Variants in CFAP46 observed in about 807,000 individuals in gnomAD.
The protein encoded by CFAP46 is cilia and flagella associated protein 46, also known as cilia- and flagella-associated protein 46.
Under a neutral mutation model 325.7 loss-of-function variants are expected in CFAP46, and 245 were observed. The ratio of observed to expected loss-of-function variants is 0.75; its 90% CI spans 0.68 to 0.84. CFAP46 has a LOEUF of 0.84. Among genes scored for constraint, CFAP46 ranks in the 40% least tolerant of loss-of-function variants. The pLI, the probability that CFAP46 is intolerant of heterozygous loss-of-function variation, is 0.00. For missense variants in CFAP46, 3,346 were observed against 3,543.0 expected (o/e 0.94, Z 1.41); for synonymous variants, 1,523 against 1,495.9 (o/e 1.02, Z -0.42).
At chr10:132,893,670 C>A (rs572666253) in intron 24 of CFAP46, among the ~76,000 whole-genome samples, 2 of 152,336 alleles carry the variant, frequency 1.3e-5, no homozygotes, top group African/African-American at 4.8e-5. Flanking sequence ...CAGTGTGAGA[C>A]CCCCAAGTCA....
intron 24 of CFAP46, among the ~76,000 whole-genome samples, chr10:132,896,099 CCA>C (rs58264596): frequency 0.015 from 1,973 of 133,738 alleles, 11 homozygotes; most frequent in Non-Finnish European, 0.02. Context: ...GCTCTGTGTG[CCA>C]CATGAAGACA....
rs1848808812 is a variant in CFAP46, at chr10:132,866,066, G to C, written c.4849C>G (p.Pro1617Ala). ...GCCTCCGACAGGAGCAGCCGTGCAGGCTGGTACAGGTTCATCTCCAGCAGA... is the reference window on the plus strand; with the variant it reads ...GCCTCCGACAGGAGCAGCCGTGCAGCCTGGTACAGGTTCATCTCCAGCAGA... Reference protein sequence around the residue: ...EVLLEMNLYQPARLLLSEAYL... With the variant: ...EVLLEMNLYQAARLLLSEAYL... The change falls in exon 35 of 58, where the codon CCT becomes GCT. Residue 1617 changes from proline to alanine, a missense_variant. Physicochemically the swap from Pro to Ala is conservative, Grantham distance 27 (BLOSUM62 -1). Transcript: ENST00000368586. 6.5e-7 allele frequency: 1 copy of C among 1,545,172 alleles called. No individual in the cohort carries two copies. Among genetic ancestry groups the C allele is most frequent in the South Asian group, 1.2e-5 (1 of 83,052 alleles).
At chr10:132,820,795 C>T (rs1292256518) in intron 50 of CFAP46, among the ~76,000 whole-genome samples, 1 of 119,310 alleles carries the variant, frequency 8.4e-6, no homozygotes, top group Admixed American at 8.7e-5. Context: ...GCTGTGTGAG[C>T]ACTGATGTGT....
intron 8 of CFAP46, among the ~76,000 whole-genome samples, chr10:132,931,449 CT>C (rs1188248616): frequency 3.5e-5 from 5 of 144,184 alleles, no homozygotes; most frequent in Admixed American, 1.4e-4. Flanking sequence ...GAGACTGGGC[CT>C]TCCCCACATT....
At chr10:132,812,537 AG>A (rs1429007711) in intron 55 of CFAP46, among the ~76,000 whole-genome samples, 1 of 151,740 alleles carries the variant, frequency 6.6e-6, no homozygotes, top group Non-Finnish European at 1.5e-5. Context: ...TCGGAAATGA[AG>A]GGCGGGAGGG....
At chr10:132,916,505 C>G (rs1244520916) in intron 17 of CFAP46, 44 bp downstream of exon 17, 6 of 1,526,628 alleles carry the variant, frequency 3.9e-6, no homozygotes, top group Middle Eastern at 3.5e-4. Flanking sequence ...CACTCTGACC[C>G]ACGGCCCCGG....
intron 41 of CFAP46, among the ~76,000 whole-genome samples, chr10:132,849,370 G>A (rs1806499): frequency 0.43 from 65,529 of 152,156 alleles, 14,350 homozygotes; most frequent in Admixed American, 0.55. Context: ...AGGGCTGCAC[G>A]GCACCTGGTG....
In CFAP46 at chr10:132,939,583, C is replaced by T. The variant is rs1850066132; in HGVS notation, c.372-830G>A. On this transcript the variant is annotated intron_variant, in intron 4 of 57. Coordinates refer to ENST00000368586, the MANE Select transcript of CFAP46 (RefSeq NM_001200049.3). This position sits in a 1 kb window ranked among gnomAD's most constrained non-coding sequence, Gnocchi z 4.6. ...GGACACCAGGGTGGCTGTGGCAAGC[C>T]CACTCCTCTGAGTTTACTCAGAGCC... Among the ~76,000 whole-genome samples the T allele has an allele frequency of 6.6e-6, 1 of 152,152 alleles. No homozygotes were observed. Among genetic ancestry groups the T allele is most frequent in the Non-Finnish European group, 1.5e-5 (1 of 68,030 alleles).
intron 34 of CFAP46, 69 bp from the exon 35 acceptor site, chr10:132,866,240 C>A (rs1039380891): frequency 2.1e-6 from 3 of 1,407,456 alleles, no homozygotes. Flanking sequence ...ACGGGACAGG[C>A]TCTGGCTCAG....
rs375638066 is a variant in CFAP46 at position 132,836,132 on chromosome 10, C to G, written c.6613+10G>C. 2 of 1,601,678 alleles carry G rather than the reference C, an allele frequency of 1.2e-6. No homozygotes were observed. The highest frequency in any genetic ancestry group is 8.5e-7 in the Non-Finnish European group (1 of 1,177,518). On this transcript the variant is annotated intron_variant, in intron 46 of 57. Transcript: ENST00000368586. Reference sequence around the variant, plus strand: ...TGCTCCCCCTCCCCCTCCCCTGCAGCCCTGCTCACCTCCCACCGCCTGCAC... The same window carrying G: ...TGCTCCCCCTCCCCCTCCCCTGCAGGCCTGCTCACCTCCCACCGCCTGCAC...
chr10:132,941,181 C>T (rs1442334093), intron 3 of CFAP46, 121 bp from the exon 4 acceptor site: 1 of 935,222 alleles, frequency 1.1e-6, no homozygotes, highest in Admixed American at 1.9e-5. Flanking sequence ...ACCTGTGTAT[C>T]CACAGGTGAC....
rs1849582732 is a variant in CFAP46 at position 132,913,271 on chromosome 10, C to T, written c.2121-13G>A. 6.5e-7 allele frequency: 1 copy of T among 1,548,886 alleles called. No homozygotes were observed. The highest frequency in any genetic ancestry group is 1.4e-5 in the African/African-American group (1 of 73,152). ...CTCGATCCAGGTTCTGCAAAACGAG[C>T]ACCACCAAGCCCTTAATGCAGGGTC... is the stretch of plus-strand genomic sequence containing the variant. On this transcript the variant is annotated splice_polypyrimidine_tract_variant and intron_variant, in intron 17 of 57. Transcript: ENST00000368586.
chr10:132,897,614 CTGGCCCACAGGA>C (rs1232368395), intron 24 of CFAP46, among the ~76,000 whole-genome samples: 1 of 152,274 alleles, frequency 6.6e-6, no homozygotes. Flanking sequence ...GAAGCTGCAT[CTGGCCCACAGGA>C]TGGCCATGTG....
At chr10:132,825,971 C>T (rs993072125) in intron 50 of CFAP46, among the ~76,000 whole-genome samples, 9 of 151,994 alleles carry the variant, frequency 5.9e-5, no homozygotes, top group South Asian at 4.2e-4. Flanking sequence ...AGACCAGCCA[C>T]GGAGCCAGGC....
chr10:132,819,333 C>G (rs1404279368), intron 50 of CFAP46, among the ~76,000 whole-genome samples: 2 of 152,158 alleles, frequency 1.3e-5, no homozygotes, highest in Non-Finnish European at 2.9e-5. Flanking sequence ...TACCCAAAGC[C>G]TACAGATGCA....
At chr10:132,920,301 AG>A in intron 13 of CFAP46, 119 bp from the exon 14 acceptor site, 1 of 1,268,132 alleles carries the variant, frequency 7.9e-7, no homozygotes, top group Non-Finnish European at 1.0e-6. Context: ...TAGCGGCTCC[AG>A]GGGCCCTAGA....
chr10:132,863,252 C>T (rs982366532), intron 35 of CFAP46, among the ~76,000 whole-genome samples: 1 of 152,150 alleles, frequency 6.6e-6, no homozygotes, highest in Non-Finnish European at 1.5e-5. Flanking sequence ...TGCCTCCCGA[C>T]CCCGGGGTGA....
At chr10:132,892,673 C>T (rs1849270558) in intron 24 of CFAP46, among the ~76,000 whole-genome samples, 1 of 152,192 alleles carries the variant, frequency 6.6e-6, no homozygotes, top group Non-Finnish European at 1.5e-5. Context: ...GGAACTGCCT[C>T]TTAATTCCCT....
At position 132,913,136 on chromosome 10, in the gene CFAP46, T is replaced by C. The variant is rs1849580056; in HGVS notation, c.2243A>G (p.Asn748Ser). The stretch of plus-strand genomic sequence containing the variant: ...CCGCCCGGCCAGGATCAGGTGGTGG[T>C]TGTGGTTCAGGACGTAGACCACGGC... ...QNAVVYVLNH[N>S]HHLILAGRQK... The change falls in exon 18 of 58, where the codon AAC becomes AGC. Residue 748 changes from asparagine to serine, a missense_variant. Transcript: ENST00000368586. 6.5e-7 allele frequency: 1 copy of C among 1,550,260 alleles called. No individual in the cohort carries two copies. Among genetic ancestry groups the C allele is most frequent in the Admixed American group, 2.0e-5 (1 of 50,988 alleles).
Sources: gnomAD v4.1 joint callset for allele counts (sites outside exome capture counted in the v4.1 genomes callset) on GRCh38, gnomAD v4.1.1 for gene constraint, Gnocchi (gnomAD v3.1) non-coding constraint, MANE v1.5 for transcripts, NCBI Gene and HGNC (gene_info 2026-07-23, HGNC 2026-07-21) for gene names.